TAP1: variants seen among roughly 807,000 people sequenced by gnomAD.
TAP1 encodes the protein transporter 1, ATP binding cassette subfamily B member.
In TAP1, 56 loss-of-function variants were observed where a neutral mutation model predicts 79.3. The observed-to-expected ratio is 0.71, with a 90% CI of 0.57 to 0.88. TAP1 has a LOEUF of 0.88. Ranked by LOEUF, TAP1 falls within the 40% of genes least tolerant of loss-of-function variation. The probability of loss-of-function intolerance (pLI) is 0.00; values close to 1 mark genes in which losing one functional copy is unlikely to be tolerated. For synonymous variants in TAP1, 355 were observed against 401.4 expected, an observed-to-expected ratio of 0.88 and a Z score of 1.38; for missense variants, 737 against 936.3, an observed-to-expected ratio of 0.79 and a Z score of 2.78.
At chr6:32,849,501 G>A (rs1307469413) in intron 5 of TAP1, 1 of 334,532 alleles carries the variant, frequency 3.0e-6, no homozygotes, top group African/African-American at 2.1e-5. Context: ...CAGCACTTTG[G>A]GAGGCCGAAG....
In TAP1 at chr6:32,850,580, G is replaced by C; in HGVS notation, c.1051-63C>G. The stretch of plus-strand genomic sequence containing the variant: ...CAAACCATCAGGGACACTAATACCT[G>C]AGTTACCTATTTGGAAATTAAAGGT... On this transcript the variant is annotated intron_variant, in intron 4 of 10. Coordinates refer to ENST00000354258, the MANE Select transcript of TAP1 (RefSeq NM_000593.6). The surrounding 1 kb of genome is among the most constrained non-coding windows in gnomAD (Gnocchi z 5.5). 5 of 1,431,640 alleles carry C rather than the reference G, an allele frequency of 3.5e-6. No homozygotes were observed. Among genetic ancestry groups the C allele is most frequent in the Non-Finnish European group, 4.9e-6 (5 of 1,027,870 alleles). The allele number at this position is 1,431,640 out of a possible 1,614,324, so 88.7% of individuals were successfully genotyped here.
At chr6:32,849,898 T>C (rs1770681233) in intron 5 of TAP1, 1 of 246,146 alleles carries the variant, frequency 4.1e-6, no homozygotes, top group African/African-American at 2.2e-5. Flanking sequence ...ATCACTGGCG[T>C]AGCTCTCTTT....
chr6:32,848,797 G>A lies in TAP1; in HGVS notation c.1421C>T (p.Ser474Phe). Residue 474 changes from serine to phenylalanine, a missense_variant, in exon 7 of 11, where the codon TCC becomes TTC. Coordinates refer to ENST00000354258, the MANE Select transcript of TAP1 (RefSeq NM_000593.6). ...IYPRVQKAVG[S>F]SEKIFEYLDR... Reference sequence around the variant, plus strand: ...CAGGTACTCAAATATTTTCTCTGAGGAGCCCACAGCCTTCTGTACTCTGGG... The same window carrying A: ...CAGGTACTCAAATATTTTCTCTGAGAAGCCCACAGCCTTCTGTACTCTGGG... 1 of 1,614,084 alleles carries A rather than the reference G, an allele frequency of 6.2e-7. No individual in the cohort carries two copies. The highest frequency in any genetic ancestry group is 8.5e-7 in the Non-Finnish European group (1 of 1,180,034).
chr6:32,852,985 G>T lies in TAP1; in HGVS notation c.598+54C>A. 6.4e-7 allele frequency: 1 copy of T among 1,554,670 alleles called. No individual in the cohort carries two copies. Among genetic ancestry groups the T allele is most frequent in the South Asian group, 1.2e-5 (1 of 85,596 alleles). ...CTCTACCTTACTGACAATTACCTTT[G>T]ATTCCTGTCCCAGTCCCCTTGTGTC... On this transcript the variant is annotated intron_variant, in intron 1 of 10. Transcript: ENST00000354258. The surrounding 1 kb of genome is among the most constrained non-coding windows in gnomAD (Gnocchi z 4.8).
In TAP1 at chr6:32,853,690, G is replaced by C. The variant is rs1318314497; in HGVS notation, c.-54C>G. On this transcript the variant is annotated 5_prime_UTR_variant, in exon 1 of 11. Transcript: ENST00000354258. This position sits in a 1 kb window ranked among gnomAD's most constrained non-coding sequence, Gnocchi z 8.3. ...CCGGGCCTGGGACTCTCCGCGCCCC[G>C]GTGGGGCCTGAAGCTCCGGGTACCG... 6.4e-7 allele frequency: 1 copy of C among 1,573,162 alleles called. No individual in the cohort carries two copies. Among genetic ancestry groups the C allele is most frequent in the East Asian group, 2.3e-5 (1 of 42,864 alleles).
chr6:32,846,074 G>A, intron 10 of TAP1: 2 of 513,828 alleles, frequency 3.9e-6, no homozygotes, highest in Non-Finnish European at 7.0e-6. Flanking sequence ...CATGGACTTG[G>A]CATTTTTATA....
Position 32,850,208 on chromosome 6 carries a change from C to T in TAP1, c.1248+112G>A. 3 of 1,236,448 alleles carry T rather than the reference C, an allele frequency of 2.4e-6. No individual in the cohort carries two copies. Among genetic ancestry groups the T allele is most frequent in the Non-Finnish European group, 3.5e-6 (3 of 846,380 alleles). 76.6% of individuals were successfully genotyped at this position (1,236,448 alleles called of 1,614,324 possible). On this transcript the variant is annotated intron_variant, in intron 5 of 10. Transcript: ENST00000354258. The surrounding 1 kb of genome is among the most constrained non-coding windows in gnomAD (Gnocchi z 5.5). ...GCCTCAGGTTGCTAGGACGAAAATA[C>T]TGAACCAACCATTTCCCAGTAAAGG...
rs1770702104 is a variant in TAP1, at chr6:32,850,269, G to A, written c.1248+51C>T. 4 of 1,581,386 alleles carry A rather than the reference G, an allele frequency of 2.5e-6. No individual in the cohort carries two copies. Among genetic ancestry groups the A allele is most frequent in the Admixed American group, 1.7e-5 (1 of 59,976 alleles). ...GCAGGGTCATAGGAATGGGAATGGA[G>A]TCACGGCATCTTAAGGACAAGGGAA... On this transcript the variant is annotated intron_variant, in intron 5 of 10. Transcript: ENST00000354258. The surrounding 1 kb of genome is among the most constrained non-coding windows in gnomAD (Gnocchi z 5.5).
At position 32,853,097 on chromosome 6, in the gene TAP1, C is replaced by T; in HGVS notation, c.540G>A (p.Leu180=). ...GNPVRRLLGC[L]GSETRRLSLF... is the part of the protein sequence containing the mutation. The stretch of plus-strand genomic sequence containing the variant: ...GCGAGAGGCGGCGCGTCTCCGAGCC[C>T]AGGCAGCCTAGAAGCCGACGCACAG... Residue 180 remains leucine, a synonymous_variant, in exon 1 of 11, where the codon CTG becomes CTA. Transcript: ENST00000354258. The surrounding 1 kb of genome is among the most constrained non-coding windows in gnomAD (Gnocchi z 8.3). The T allele has an allele frequency of 6.2e-7, 1 of 1,612,754 alleles. No individual in the cohort carries two copies. The highest frequency in any genetic ancestry group is 1.1e-5 in the South Asian group (1 of 91,072).
At chr6:32,849,339 C>T in intron 5 of TAP1, 1 of 627,168 alleles carries the variant, frequency 1.6e-6, no homozygotes, top group East Asian at 2.7e-5. Context: ...CCACTATCAC[C>T]TTGTCTGGGG....
Position 32,852,194 on chromosome 6 carries a change from C to T in TAP1, c.759G>A (p.Met253Ile). Residue 253 changes from methionine to isoleucine, a missense_variant, in exon 3 of 11, where the codon ATG (methionine) becomes ATA (isoleucine). Met to Ile is a conservative substitution (Grantham distance 10). Coordinates refer to ENST00000354258, the MANE Select transcript of TAP1 (RefSeq NM_000593.6). The surrounding 1 kb of genome is among the most constrained non-coding windows in gnomAD (Gnocchi z 4.8). ...FVGDGIYNNT[M>I]GHVHSHLQGE... ...CCTGCAAGTGGCTGTGCACGTGGCC[C>T]ATGGTGTTGTTATAGATCCCGTCAC... is the stretch of plus-strand genomic sequence containing the variant. 6.2e-7 allele frequency: 1 copy of T among 1,612,994 alleles called. No individual in the cohort carries two copies.
At position 32,853,385 on chromosome 6, in the gene TAP1, G is replaced by C. The variant is rs1367721377; in HGVS notation, c.252C>G (p.Ser84Arg). The change falls in exon 1 of 11, where the codon AGC (serine) becomes AGG (arginine). Residue 84 changes from serine (S) to arginine (R), a missense_variant. Transcript: ENST00000354258. This position sits in a 1 kb window ranked among gnomAD's most constrained non-coding sequence, Gnocchi z 8.3. ...GVLRATVGSK[S>R]ENAGAQGWLA... The stretch of plus-strand genomic sequence containing the variant: ...GCCAGCCCTGGGCACCTGCGTTTTC[G>C]CTCTTGGAGCCAACCGTTGCCCTGA... 6.2e-7 allele frequency: 1 copy of C among 1,606,106 alleles called. No homozygotes were observed. Among genetic ancestry groups the C allele is most frequent in the Non-Finnish European group, 8.5e-7 (1 of 1,176,866 alleles).
At chr6:32,848,130 G>A in intron 7 of TAP1, 38 bp from the exon 8 acceptor site, 1 of 1,562,068 alleles carries the variant, frequency 6.4e-7, no homozygotes. Context: ...AGGCTACCAA[G>A]GCCTCTAACC....
chr6:32,847,614 T>A lies in TAP1; in HGVS notation c.1802A>T (p.Tyr601Phe). The A allele has an allele frequency of 6.2e-7, 1 of 1,614,018 alleles. No individual in the cohort carries two copies. The highest frequency in any genetic ancestry group is 8.5e-7 in the Non-Finnish European group (1 of 1,180,016). ...CATAGTTGGCTTCTGGGTCAGGCCA[T>A]AGGCAATATTTTCTTGAAGACTTCT... is the stretch of plus-strand genomic sequence containing the variant. The part of the protein sequence containing the change: ...FGRSLQENIA[Y>F]GLTQKPTMEE... The change falls in exon 9 of 11, where the codon TAT (tyrosine) becomes TTT (phenylalanine). Residue 601 changes from tyrosine to phenylalanine, a missense_variant. Tyr to Phe is a conservative substitution (Grantham distance 22). This residue lies in a region of TAP1 where 266 missense variants were observed against 332.4 expected (regional missense o/e 0.80). Transcript: ENST00000354258. The surrounding 1 kb of genome is among the most constrained non-coding windows in gnomAD (Gnocchi z 4.7).
At chr6:32,848,307 C>T in intron 7 of TAP1, 1 of 644,728 alleles carries the variant, frequency 1.6e-6, no homozygotes, top group Admixed American at 2.7e-5. Flanking sequence ...CCCAGCACCA[C>T]TATGCCACAC....
At position 32,852,486 on chromosome 6, in the gene TAP1, T is replaced by C. The variant is rs1770850860; in HGVS notation, c.615A>G (p.Pro205=). ...VLSSLGEMAI[P]FFTGRLTDWI... is the part of the protein sequence containing the mutation. Reference sequence around the variant, plus strand: ...AGTCAGTGAGGCGGCCCGTAAAGAATGGAATGGCCATCTCCCCTGGAGAAA... The same window carrying C: ...AGTCAGTGAGGCGGCCCGTAAAGAACGGAATGGCCATCTCCCCTGGAGAAA... Residue 205 remains proline (P), a synonymous_variant, in exon 2 of 11, where the codon CCA becomes CCG. Coordinates refer to ENST00000354258, the MANE Select transcript of TAP1 (RefSeq NM_000593.6). The surrounding 1 kb of genome is among the most constrained non-coding windows in gnomAD (Gnocchi z 4.8). The C allele has an allele frequency of 6.2e-7, 1 of 1,612,938 alleles. No homozygotes were observed. Among genetic ancestry groups the C allele is most frequent in the South Asian group, 1.1e-5 (1 of 91,076 alleles).
Position 32,851,249 on chromosome 6 carries a change from A to T in TAP1, c.845-100T>A. 1.7e-6 allele frequency: 2 copies of T among 1,185,250 alleles called. No homozygotes were observed. The highest frequency in any genetic ancestry group is 1.3e-5 in the South Asian group (1 of 77,292). The allele number at this position is 1,185,250 out of a possible 1,614,324, so 73.4% of individuals were successfully genotyped here. ...GGATGCCAGGGTCAGGGGTGTCAACATGGGGTTCTAAGGAGGCTGCAGGAA... is the reference window on the plus strand; with the variant it reads ...GGATGCCAGGGTCAGGGGTGTCAACTTGGGGTTCTAAGGAGGCTGCAGGAA... On this transcript the variant is annotated intron_variant, in intron 3 of 10. Transcript: ENST00000354258. The surrounding 1 kb of genome is among the most constrained non-coding windows in gnomAD (Gnocchi z 4.8).
At position 32,845,861 on chromosome 6, in the gene TAP1, G is replaced by C; in HGVS notation, c.2041-76C>G. The C allele has an allele frequency of 7.7e-7, 1 of 1,290,646 alleles. No homozygotes were observed. The allele number at this position is 1,290,646 out of a possible 1,614,324, so 79.9% of individuals were successfully genotyped here. A position where few individuals can be genotyped will look rare whatever the true frequency, so the allele number is the denominator to read the frequency against. On this transcript the variant is annotated intron_variant, in intron 10 of 10. Transcript: ENST00000354258. This position sits in a 1 kb window ranked among gnomAD's most constrained non-coding sequence, Gnocchi z 4.5. ...GAGACACCTGTGTTTCCAGGGCTGG[G>C]ACTGACCTCACAGGATCACTGCTGG...
chr6:32,853,009 T>C lies in TAP1; in HGVS notation c.598+30A>G. On this transcript the variant is annotated intron_variant, in intron 1 of 10. Transcript: ENST00000354258. This position sits in a 1 kb window ranked among gnomAD's most constrained non-coding sequence, Gnocchi z 8.3. ...TGATTCCTGTCCCAGTCCCCTTGTG[T>C]CCTCCCCTCTTGCCCTGCGTTCCCC... is the stretch of plus-strand genomic sequence containing the variant. 1 of 1,598,634 alleles carries C rather than the reference T, an allele frequency of 6.3e-7. No individual in the cohort carries two copies. Among genetic ancestry groups the C allele is most frequent in the South Asian group, 1.1e-5 (1 of 89,356 alleles).
Sources: allele counts gnomAD v4.1 joint callset, GRCh38; gene constraint gnomAD v4.1.1; regional missense constraint gnomAD v4.1.1; non-coding constraint Gnocchi (gnomAD v3.1); transcripts MANE v1.5; gene names NCBI Gene and HGNC (gene_info 2026-07-23, HGNC 2026-07-21).